Variants in TLE4 observed in about 807,000 individuals in gnomAD.
TLE4 encodes the protein TLE family member 4, transcriptional corepressor.
TLE4 carries 8 observed loss-of-function variants against 92.8 expected under a neutral mutation model. The observed-to-expected ratio is 0.09, with a 90% CI of 0.05 to 0.16. TLE4 has a LOEUF of 0.16. Ranked by LOEUF, TLE4 falls within the 10% of genes least tolerant of loss-of-function variation. The pLI, the probability that TLE4 is intolerant of heterozygous loss-of-function variation, is 1.00. For missense variants in TLE4, 675 were observed against 997.6 expected (o/e 0.68, Z 4.36); for synonymous variants, 371 against 374.1 (o/e 0.99, Z 0.10).
chr9:79,671,804 C>G (rs1459319805), intron 8 of TLE4, among the ~76,000 whole-genome samples: 1 of 151,682 alleles, frequency 6.6e-6, no homozygotes, highest in Non-Finnish European at 1.5e-5. Flanking sequence ...GAACAGCAGA[C>G]CTGGTTCAGC....
chr9:79,685,381 G>T (rs2065633207), intron 8 of TLE4, among the ~76,000 whole-genome samples: 1 of 152,002 alleles, frequency 6.6e-6, no homozygotes, highest in Admixed American at 6.5e-5. Context: ...AAGAGCTTGG[G>T]CATGTGTGGT....
At chr9:79,713,907 A>G (rs2073941592) in intron 14 of TLE4, among the ~76,000 whole-genome samples, 1 of 152,084 alleles carries the variant, frequency 6.6e-6, no homozygotes, top group Non-Finnish European at 1.5e-5. Flanking sequence ...TCTGTCACCC[A>G]CGCTGGAGTG....
intron 3 of TLE4, chr9:79,575,669 T>C (rs1407758763): frequency 6.5e-6 from 1 of 152,676 alleles, no homozygotes; most frequent in Non-Finnish European, 1.5e-5. Flanking sequence ...TCTAGCTTTT[T>C]TGCTTTGAAT....
chr9:79,625,419 GA>G (rs931920048), intron 5 of TLE4, among the ~76,000 whole-genome samples: 7 of 152,108 alleles, frequency 4.6e-5, no homozygotes, highest in African/African-American at 1.7e-4. Flanking sequence ...TTCATGATAG[GA>G]GTTAAAACAC....
intron 5 of TLE4, among the ~76,000 whole-genome samples, chr9:79,620,074 G>T (rs1474313241): frequency 6.6e-6 from 1 of 152,070 alleles, no homozygotes; most frequent in African/African-American, 2.4e-5. Flanking sequence ...TTTAAATGTG[G>T]GTCTCTATCC....
At chr9:79,607,980 C>G (rs182789440) in intron 4 of TLE4, among the ~76,000 whole-genome samples, 1 of 151,816 alleles carries the variant, frequency 6.6e-6, no homozygotes, top group Non-Finnish European at 1.5e-5. Context: ...TGGGCTGAGA[C>G]GATGGGGTTT....
intron 6 of TLE4, among the ~76,000 whole-genome samples, chr9:79,644,546 A>G (rs17082597): frequency 1.3e-5 from 2 of 152,216 alleles, no homozygotes; most frequent in Non-Finnish European, 2.9e-5. Flanking sequence ...GGTAATAAGG[A>G]TTCCAGTGAC....
chr9:79,579,764 A>G (rs2039096207), intron 4 of TLE4, among the ~76,000 whole-genome samples: 1 of 152,178 alleles, frequency 6.6e-6, no homozygotes, highest in Non-Finnish European at 1.5e-5. Flanking sequence ...GACTTGGGCC[A>G]CAACCATTTG....
intron 5 of TLE4, among the ~76,000 whole-genome samples, chr9:79,620,706 G>A (rs1017179268): frequency 1.3e-5 from 2 of 152,110 alleles, no homozygotes; most frequent in Non-Finnish European, 2.9e-5. Flanking sequence ...ACTGTGTTGG[G>A]CTGTTCTTGC....
intron 5 of TLE4, among the ~76,000 whole-genome samples, chr9:79,615,053 C>G (rs751871149): frequency 2.1e-4 from 32 of 152,154 alleles, no homozygotes; most frequent in Non-Finnish European, 2.5e-4. Context: ...GAGACACAAA[C>G]ATGTTTGTTT....
chr9:79,710,142 C>T (rs1388033725), intron 14 of TLE4, among the ~76,000 whole-genome samples: 2 of 152,174 alleles, frequency 1.3e-5, no homozygotes, highest in African/African-American at 4.8e-5. Context: ...CTTCTTATAC[C>T]GTGCTCTGGG....
intron 6 of TLE4, among the ~76,000 whole-genome samples, chr9:79,651,030 G>GAT (rs1491439679): frequency 2.2e-5 from 1 of 45,654 alleles, no homozygotes; most frequent in Non-Finnish European, 4.3e-5. Flanking sequence ...TGGAATGATC[G>GAT]ATCTCTCTCT....
At chr9:79,671,850 C>G (rs2062408317) in intron 8 of TLE4, among the ~76,000 whole-genome samples, 1 of 151,146 alleles carries the variant, frequency 6.6e-6, no homozygotes, top group Non-Finnish European at 1.5e-5. Flanking sequence ...CACCCCTACT[C>G]AAGACATGAA....
At chr9:79,605,632 G>A (rs1320722252) in intron 4 of TLE4, among the ~76,000 whole-genome samples, 3 of 152,022 alleles carry the variant, frequency 2.0e-5, no homozygotes, top group African/African-American at 7.2e-5. Flanking sequence ...CTTGAGCTCT[G>A]GGGATAGACT....
intron 8 of TLE4, chr9:79,693,658 G>C (rs758637784): frequency 1.4e-5 from 7 of 517,878 alleles, no homozygotes; most frequent in African/African-American, 3.9e-5. Context: ...AACCACAAAA[G>C]TTGTACCTCT....
intron 4 of TLE4, among the ~76,000 whole-genome samples, chr9:79,607,866 T>A (rs2047450365): frequency 6.6e-6 from 1 of 152,112 alleles, no homozygotes; most frequent in Non-Finnish European, 1.5e-5. Context: ...TGCTTAGGAT[T>A]GTCTTGGCAA....
At chr9:79,615,433 A>C (rs916431619) in intron 5 of TLE4, among the ~76,000 whole-genome samples, 2 of 152,298 alleles carry the variant, frequency 1.3e-5, no homozygotes, top group Middle Eastern at 3.4e-3. Context: ...GAAAAAGCAA[A>C]ACAATTCCTG....
At chr9:79,583,024 TTTTAGTCAGAAGC>T (rs1445544839) in intron 4 of TLE4, among the ~76,000 whole-genome samples, 1 of 152,080 alleles carries the variant, frequency 6.6e-6, no homozygotes, top group African/African-American at 2.4e-5. Flanking sequence ...GCCTCAGAAG[TTTTAGTCAGAAGC>T]AAGAGTTAGA....
chr9:79,698,270 C>T (rs2068799167), intron 8 of TLE4, among the ~76,000 whole-genome samples: 1 of 152,204 alleles, frequency 6.6e-6, no homozygotes, highest in African/African-American at 2.4e-5. Context: ...CACTGCCTCT[C>T]TTCTGTTATT....
Sources: gnomAD v4.1 joint callset for allele counts (sites outside exome capture counted in the v4.1 genomes callset) on GRCh38, gnomAD v4.1.1 for gene constraint, MANE v1.5 for transcripts, NCBI Gene and HGNC (gene_info 2026-07-23, HGNC 2026-07-21) for gene names.